Variants in UGGT1 observed in about 807,000 individuals in gnomAD.
UGGT1 encodes the protein UDP-glucose glycoprotein glucosyltransferase 1.
UGGT1 carries 107 observed loss-of-function variants against 203.9 expected under a neutral mutation model. That is an observed-to-expected ratio of 0.52 (90% CI 0.45 to 0.62). UGGT1 has a LOEUF of 0.62. UGGT1 is among the 20% of genes least tolerant of loss of function. The pLI, the probability that UGGT1 is intolerant of heterozygous loss-of-function variation, is 0.00. For missense variants in UGGT1, 1,673 were observed against 1,867.2 expected (o/e 0.90, Z 1.92); for synonymous variants, 628 against 653.5 (o/e 0.96, Z 0.59).
chr2:128,186,565 C>G, intron 38 of UGGT1, 118 bp from the exon 39 acceptor site: 1 of 708,530 alleles, frequency 1.4e-6, no homozygotes, highest in South Asian at 2.0e-5. Context: ...CGAGATCGTA[C>G]TACTGCACTC....
chr2:128,137,941 G>C (rs758800948), intron 15 of UGGT1, among the ~76,000 whole-genome samples: 19 of 151,932 alleles, frequency 1.3e-4, no homozygotes, highest in Non-Finnish European at 2.4e-4. Flanking sequence ...CTTTAACCTT[G>C]GTTATTGCTT....
chr2:128,164,769 A>C lies in UGGT1; in HGVS notation c.2865A>C (p.Ser955=). ...TAATGAAGGTGGATGCTCTTCTGTCAGCGCAACCAAAAGGAGATCCAAGAA... is the reference window on the plus strand; with the variant it reads ...TAATGAAGGTGGATGCTCTTCTGTCCGCGCAACCAAAAGGAGATCCAAGAA... The part of the protein sequence containing the change: ...DLVMKVDALL[S]AQPKGDPRIE... Residue 955 remains serine (S), a synonymous_variant, in exon 26 of 41, where the codon TCA becomes TCC. Coordinates refer to ENST00000259253, the MANE Select transcript of UGGT1 (RefSeq NM_020120.4). The C allele has an allele frequency of 6.2e-7, 1 of 1,613,564 alleles. No individual in the cohort carries two copies. The highest frequency in any genetic ancestry group is 1.1e-5 in the South Asian group (1 of 91,014).
In UGGT1 at chr2:128,150,668, C is replaced by CTTTTT. The variant is rs1205834782; in HGVS notation, c.2017-2104_2017-2100dup. ...ATTATTTATTTTTTTTAATTAATAA[C>CTTTTT]TTTTTTTTTTTTTTTTACAAATGTT... On this transcript the variant is annotated intron_variant, in intron 18 of 40. Coordinates refer to ENST00000259253, the MANE Select transcript of UGGT1 (RefSeq NM_020120.4). 5.9e-3 allele frequency among the ~76,000 whole-genome samples: 805 copies of CTTTTT among 136,682 alleles called. 8 individuals carry two copies. The highest frequency in any genetic ancestry group is 0.014 in the East Asian group (64 of 4,688). 89.7% of individuals were successfully genotyped at this position (136,682 alleles called of 152,430 possible).
intron 13 of UGGT1, among the ~76,000 whole-genome samples, chr2:128,130,452 TAA>T (rs1350139063): frequency 6.6e-6 from 1 of 152,196 alleles, no homozygotes; most frequent in East Asian, 1.9e-4. Context: ...CTTGGTGATA[TAA>T]CTTATTTTGA....
chr2:128,167,430 A>G (rs1427203826), intron 26 of UGGT1, among the ~76,000 whole-genome samples: 4 of 152,220 alleles, frequency 2.6e-5, no homozygotes, highest in Non-Finnish European at 4.4e-5. Flanking sequence ...AAAGATCTGA[A>G]CCATCAGTTA....
chr2:128,123,022 T>A (rs1218094444), intron 10 of UGGT1, among the ~76,000 whole-genome samples, 164 bp from the exon 11 acceptor site: 3 of 152,220 alleles, frequency 2.0e-5, no homozygotes. Context: ...AATATACACA[T>A]CTGAGAAAGG....
In UGGT1 at chr2:128,160,456, C is replaced by G. The variant is rs776095588; in HGVS notation, c.2563-4C>G. 8.2e-6 allele frequency: 13 copies of G among 1,591,334 alleles called. No individual in the cohort carries two copies. In the South Asian group the frequency reaches 1.5e-4, roughly 18 times the overall value. On this transcript the variant is annotated splice_polypyrimidine_tract_variant and splice_region_variant and intron_variant, in intron 23 of 40. Coordinates refer to ENST00000259253, the MANE Select transcript of UGGT1 (RefSeq NM_020120.4). ...TTTTTCCTTAATAATGATTACTTTC[C>G]TAGGGAATGGATTTCAGTCTTTTTA...
Position 128,121,259 on chromosome 2 carries a change from T to A in UGGT1, c.1034T>A (p.Val345Asp). ...TCTCCTGTTGAGTTGGCTTTGGTTGTCATGAAGGATCTTAGTCAGAATTTT... is the reference window on the plus strand; with the variant it reads ...TCTCCTGTTGAGTTGGCTTTGGTTGACATGAAGGATCTTAGTCAGAATTTT... Reference protein sequence around the residue: ...LASPVELALVVMKDLSQNFPT... With the variant: ...LASPVELALVDMKDLSQNFPT... Residue 345 changes from valine to aspartate, a missense_variant, in exon 10 of 41, where the codon GTC becomes GAC. This residue lies in a region of UGGT1 where 1,073 missense variants were observed against 1,078.7 expected (regional missense o/e 0.99). Transcript: ENST00000259253. 2 of 1,613,114 alleles carry A rather than the reference T, an allele frequency of 1.2e-6. No homozygotes were observed. Among genetic ancestry groups the A allele is most frequent in the South Asian group, 1.1e-5 (1 of 90,770 alleles).
intron 11 of UGGT1, 84 bp downstream of exon 11, chr2:128,123,330 C>T: frequency 9.3e-7 from 1 of 1,076,418 alleles, no homozygotes; most frequent in Non-Finnish European, 1.4e-6. Flanking sequence ...CAGCATTTAA[C>T]AGTGTCACTC....
At chr2:128,153,008 GAA>G (rs1356673807) in intron 19 of UGGT1, 104 bp downstream of exon 19, 1 of 1,524,252 alleles carries the variant, frequency 6.6e-7, no homozygotes, top group African/African-American at 1.4e-5. Context: ...GCAGTGTTCA[GAA>G]GATAGCCCAA....
intron 4 of UGGT1, 63 bp downstream of exon 4, chr2:128,108,131 C>T: frequency 6.4e-7 from 1 of 1,557,082 alleles, no homozygotes; most frequent in Non-Finnish European, 8.7e-7. Flanking sequence ...TGGATGGACC[C>T]CAGTTGTCCT....
At position 128,161,121 on chromosome 2, in the gene UGGT1, T is replaced by C. The variant is rs757147358; in HGVS notation, c.2695-17T>C. Reference sequence around the variant, plus strand: ...CAGCCTTCCAGAGCTAAGCGCCTGCTCTTCTCTCCTTCACAGATCATTGGG... The same window carrying C: ...CAGCCTTCCAGAGCTAAGCGCCTGCCCTTCTCTCCTTCACAGATCATTGGG... On this transcript the variant is annotated splice_polypyrimidine_tract_variant and intron_variant, in intron 24 of 40. Coordinates refer to ENST00000259253, the MANE Select transcript of UGGT1 (RefSeq NM_020120.4). 3.1e-6 allele frequency: 5 copies of C among 1,612,916 alleles called. No individual in the cohort carries two copies. Among genetic ancestry groups the C allele is most frequent in the Non-Finnish European group, 3.4e-6 (4 of 1,179,608 alleles).
chr2:128,115,417 T>TA (rs933659117), intron 7 of UGGT1, among the ~76,000 whole-genome samples, 197 bp downstream of exon 7: 17 of 148,728 alleles, frequency 1.1e-4, no homozygotes, highest in African/African-American at 3.7e-4. Flanking sequence ...CAGGTAATGA[T>TA]ACATGTCTCT....
At chr2:128,094,812 G>A (rs1445033259) in intron 1 of UGGT1, among the ~76,000 whole-genome samples, 1 of 137,444 alleles carries the variant, frequency 7.3e-6, no homozygotes, top group Admixed American at 8.3e-5. Flanking sequence ...GCAGTGGTGC[G>A]ATCTCGACTT....
At chr2:128,171,404 C>T (rs905467064) in intron 28 of UGGT1, 120 bp downstream of exon 28, 2 of 966,424 alleles carry the variant, frequency 2.1e-6, no homozygotes, top group African/African-American at 3.3e-5. Flanking sequence ...TGGTCATTTA[C>T]TAAATGTTCA....
In UGGT1 at chr2:128,179,867, TA is replaced by T; in HGVS notation, c.3899del (p.Lys1300ArgfsTer50). 1 of 1,612,420 alleles carries T rather than the reference TA, an allele frequency of 6.2e-7. No individual in the cohort carries two copies. Among genetic ancestry groups the T allele is most frequent in the Non-Finnish European group, 8.5e-7 (1 of 1,178,652 alleles). ...FLKNYLSPTF[K>X]EFIPYMANEY... ...TGAAGAATTACTTGTCCCCCACATT[TA>T]AGGTTTGTTTCACAGAGAAAGGGAA... is the stretch of plus-strand genomic sequence containing the variant. On this transcript the variant is annotated frameshift_variant and splice_region_variant, in exon 35 of 41. Coordinates refer to ENST00000259253, the MANE Select transcript of UGGT1 (RefSeq NM_020120.4). LOFTEE classifies it high-confidence loss of function.
At chr2:128,113,342 T>C (rs1687952015) in intron 6 of UGGT1, 84 bp downstream of exon 6, 2 of 1,136,688 alleles carry the variant, frequency 1.8e-6, no homozygotes, top group Non-Finnish European at 2.3e-6. Context: ...TCTCCCTCTT[T>C]ATAAAAAAAT....
At position 128,107,967 on chromosome 2, in the gene UGGT1, T is replaced by C. The variant is rs535841110; in HGVS notation, c.307T>C (p.Leu103=). The C allele has an allele frequency of 1.9e-6, 3 of 1,614,218 alleles. No individual in the cohort carries two copies. Among genetic ancestry groups the C allele is most frequent in the South Asian group, 1.1e-5 (1 of 91,082 alleles). ...CGATTATTCCTACTATCATGCAATA[T>C]TGGAGGCTGCATTTCAGTTTCTGTC... ...GTDYSYYHAI[L]EAAFQFLSPL... Residue 103 remains leucine (L), a synonymous_variant, in exon 4 of 41, where the codon TTG becomes CTG. Coordinates refer to ENST00000259253, the MANE Select transcript of UGGT1 (RefSeq NM_020120.4).
Position 128,174,792 on chromosome 2 carries a change from C to A in UGGT1, c.3473C>A (p.Ala1158Asp). The stretch of plus-strand genomic sequence containing the variant: ...TCCTAGGGCTACTTTCAGCTGAAAG[C>A]CAACCCAGGAGCTTGGATCCTCAGA... ...MANLGYFQLK[A>D]NPGAWILRLR... Residue 1158 changes from alanine (A) to aspartate (D), a missense_variant, in exon 31 of 41, where the codon GCC becomes GAC. Ala to Asp is a moderately radical substitution (Grantham distance 126). Coordinates refer to ENST00000259253, the MANE Select transcript of UGGT1 (RefSeq NM_020120.4). 1.2e-6 allele frequency: 2 copies of A among 1,613,728 alleles called. No individual in the cohort carries two copies. The highest frequency in any genetic ancestry group is 2.2e-5 in the South Asian group (2 of 90,992).
Sources: allele counts gnomAD v4.1 joint callset (sites outside exome capture counted in the v4.1 genomes callset), GRCh38; gene constraint gnomAD v4.1.1; regional missense constraint gnomAD v4.1.1; transcripts MANE v1.5; gene names NCBI Gene and HGNC (gene_info 2026-07-23, HGNC 2026-07-21).